The following NTM variants were observed in gnomAD, a reference collection of about 807,000 sequenced individuals.
The protein encoded by NTM is IgLON family member 2.
Under a neutral mutation model 42.1 loss-of-function variants are expected in NTM, and 13 were observed. That is an observed-to-expected ratio of 0.31 (90% CI 0.20 to 0.49). The LOEUF is 0.49. NTM is among the 20% of genes least tolerant of loss of function. The pLI is 0.99. For synonymous variants in NTM, 187 were observed against 179.2 expected (o/e 1.04, Z -0.35); for missense variants, 373 against 452.8 (o/e 0.82, Z 1.60).
chr11:131,500,784 T>C (rs112846556), intron 1 of NTM, among the ~76,000 whole-genome samples: 1,495 of 129,570 alleles, frequency 0.012, 33 homozygotes, highest in African/African-American at 0.04. Flanking sequence ...CCTTCCTGTG[T>C]CCAAGTGTTC....
chr11:132,285,721 C>T (rs551795086), intron 4 of NTM, among the ~76,000 whole-genome samples: 4 of 152,300 alleles, frequency 2.6e-5, no homozygotes, highest in African/African-American at 7.2e-5. Context: ...CTTTGCATCA[C>T]TCCCCTTTTC....
chr11:132,052,199 T>A (rs2078947948), intron 2 of NTM, among the ~76,000 whole-genome samples: 1 of 152,190 alleles, frequency 6.6e-6, no homozygotes, highest in Non-Finnish European at 1.5e-5. Context: ...CAAAGCCAAA[T>A]TTGCTCTTAA....
intron 1 of NTM, among the ~76,000 whole-genome samples, chr11:131,524,200 C>T (rs1426699768): frequency 1.3e-5 from 2 of 152,198 alleles, no homozygotes; most frequent in Admixed American, 6.5e-5. Flanking sequence ...CGCTCTCACG[C>T]CTTGCTGCTG....
intron 1 of NTM, among the ~76,000 whole-genome samples, chr11:131,774,896 A>G (rs1164968439): frequency 2.0e-5 from 3 of 152,200 alleles, no homozygotes; most frequent in Admixed American, 1.3e-4. Context: ...CTCATGAGAA[A>G]CAGAGTGCAC....
intron 1 of NTM, among the ~76,000 whole-genome samples, chr11:131,386,282 G>T (rs1943307459): frequency 6.6e-6 from 1 of 152,168 alleles, no homozygotes; most frequent in Admixed American, 6.5e-5. Context: ...TTCATGGAGA[G>T]GCTATCAGGG....
At chr11:132,254,155 C>T (rs903148893) in intron 4 of NTM, among the ~76,000 whole-genome samples, 8 of 152,274 alleles carry the variant, frequency 5.3e-5, no homozygotes, top group Middle Eastern at 3.4e-3. Flanking sequence ...CAGCCAGGCA[C>T]TTAGCCCTTA....
intron 1 of NTM, among the ~76,000 whole-genome samples, chr11:131,789,679 G>A (rs1458210476): frequency 2.0e-5 from 3 of 149,540 alleles, no homozygotes; most frequent in Admixed American, 2.0e-4. Context: ...AGCATGGGCC[G>A]GGGGCGGTGG....
chr11:131,783,686 C>T (rs2136030889), intron 1 of NTM, among the ~76,000 whole-genome samples: 1 of 152,156 alleles, frequency 6.6e-6, no homozygotes, highest in Non-Finnish European at 1.5e-5. Context: ...TATACAACTT[C>T]TAGAAAAAAA....
intron 4 of NTM, among the ~76,000 whole-genome samples, chr11:132,292,346 C>T (rs750823958): frequency 8.5e-5 from 13 of 152,128 alleles, no homozygotes; most frequent in Non-Finnish European, 1.8e-4. Context: ...AAATGTTGGT[C>T]TGTACATTTG....
chr11:132,215,596 G>A (rs1407230052), intron 4 of NTM, among the ~76,000 whole-genome samples: 2 of 152,200 alleles, frequency 1.3e-5, no homozygotes, highest in South Asian at 4.1e-4. Flanking sequence ...TAGAGAAAAT[G>A]TCAGTTGTGC....
intron 3 of NTM, among the ~76,000 whole-genome samples, chr11:132,156,379 T>C (rs2073196593): frequency 6.6e-6 from 1 of 152,248 alleles, no homozygotes; most frequent in Non-Finnish European, 1.5e-5. Context: ...CGGTCCTATT[T>C]ATCCTTCAGA....
At chr11:132,030,573 GC>G (rs2075784866) in intron 2 of NTM, among the ~76,000 whole-genome samples, 1 of 152,222 alleles carries the variant, frequency 6.6e-6, no homozygotes, top group South Asian at 2.1e-4. Context: ...GGTCTTGGAA[GC>G]CCTCTTTGTT....
intron 2 of NTM, among the ~76,000 whole-genome samples, chr11:132,082,813 G>A (rs146080295): frequency 9.3e-4 from 141 of 152,322 alleles, no homozygotes; most frequent in African/African-American, 3.1e-3. Context: ...TTGCATGACC[G>A]TTTGGAGTTT....
chr11:131,400,105 C>A (rs1944974154), intron 1 of NTM, among the ~76,000 whole-genome samples: 1 of 151,696 alleles, frequency 6.6e-6, no homozygotes, highest in Non-Finnish European at 1.5e-5. Flanking sequence ...TATCTAGCTA[C>A]CCTACCCACC....
chr11:131,758,946 G>A (rs975037617), intron 1 of NTM, among the ~76,000 whole-genome samples: 5 of 152,118 alleles, frequency 3.3e-5, no homozygotes, highest in East Asian at 1.9e-4. Context: ...CAAAGAAGCC[G>A]TGACTCTTTG....
At chr11:132,108,508 A>G (rs926781505) in intron 2 of NTM, among the ~76,000 whole-genome samples, 1 of 152,124 alleles carries the variant, frequency 6.6e-6, no homozygotes, top group African/African-American at 2.4e-5. Context: ...TAAGAATGAT[A>G]CAATGGACTC....
chr11:131,869,299 G>T (rs2047539109), intron 1 of NTM, among the ~76,000 whole-genome samples: 1 of 151,948 alleles, frequency 6.6e-6, no homozygotes, highest in African/African-American at 2.4e-5. Flanking sequence ...GCTATGACTT[G>T]TTGGAAAACC....
At chr11:132,147,455 G>A (rs2070783784) in intron 3 of NTM, among the ~76,000 whole-genome samples, 1 of 152,060 alleles carries the variant, frequency 6.6e-6, no homozygotes, top group Non-Finnish European at 1.5e-5. Flanking sequence ...TGTAAAGGGG[G>A]TCAACGTGAG....
At chr11:131,873,550 A>G (rs145950294) in intron 1 of NTM, among the ~76,000 whole-genome samples, 6,087 of 43,294 alleles carry the variant, frequency 0.14, 589 homozygotes, top group African/African-American at 0.33. Flanking sequence ...ATATATATAC[A>G]TATATATATA....
Sources: allele counts gnomAD v4.1 joint callset (sites outside exome capture counted in the v4.1 genomes callset), GRCh38; gene constraint gnomAD v4.1.1; transcripts MANE v1.5; gene names NCBI Gene and HGNC (gene_info 2026-07-23, HGNC 2026-07-21).